The following CACNB2 variants were observed in gnomAD, a reference collection of about 807,000 sequenced individuals.
CACNB2 encodes calcium voltage-gated channel auxiliary subunit beta 2.
CACNB2 carries 42 observed loss-of-function variants against 73.3 expected under a neutral mutation model. That is an observed-to-expected ratio of 0.57 (90% confidence interval 0.45 to 0.74). The LOEUF (loss-of-function observed/expected upper bound fraction) is 0.74. Ranked by LOEUF, CACNB2 falls within the 30% of genes least tolerant of loss-of-function variation. The pLI is 0.00. For synonymous variants in CACNB2, 348 were observed against 310.3 expected, an observed-to-expected ratio of 1.12 and a Z score of -1.28; for missense variants, 940 against 853.0, an observed-to-expected ratio of 1.10 and a Z score of -1.27.
intron 2 of CACNB2, among the ~76,000 whole-genome samples, chr10:18,398,591 C>A (rs576400001): frequency 6.6e-6 from 1 of 151,996 alleles, no homozygotes; most frequent in South Asian, 2.1e-4. Context: ...GGATCACTTT[C>A]GCCCAGGAGG....
intron 2 of CACNB2, among the ~76,000 whole-genome samples, chr10:18,391,985 A>T (rs1334042228): frequency 6.6e-6 from 1 of 151,812 alleles, no homozygotes; most frequent in Non-Finnish European, 1.5e-5. Flanking sequence ...AGAACAGGGT[A>T]AGTGAGATTG....
chr10:18,411,715 C>G (rs1393340039), intron 3 of CACNB2, among the ~76,000 whole-genome samples: 1 of 152,070 alleles, frequency 6.6e-6, no homozygotes, highest in East Asian at 1.9e-4. Flanking sequence ...ACCATGTTGG[C>G]CAGGCTGTTC....
At chr10:18,466,422 G>A (rs1341272384) in intron 3 of CACNB2, among the ~76,000 whole-genome samples, 1 of 151,576 alleles carries the variant, frequency 6.6e-6, no homozygotes, top group Non-Finnish European at 1.5e-5. Context: ...TTACAGAGAC[G>A]AGGTCTCACT....
intron 2 of CACNB2, among the ~76,000 whole-genome samples, chr10:18,223,789 C>T (rs1174296481): frequency 3.9e-5 from 6 of 152,048 alleles, no homozygotes; most frequent in Admixed American, 3.9e-4. Context: ...TTTTTGTCTT[C>T]AATTTCAGAG....
chr10:18,209,735 T>G (rs1364883977), intron 2 of CACNB2, among the ~76,000 whole-genome samples: 1 of 152,174 alleles, frequency 6.6e-6, no homozygotes, highest in Admixed American at 6.5e-5. Context: ...TAATATGGTC[T>G]TTTTTGACTT....
chr10:18,389,227 C>T (rs1003515552), intron 2 of CACNB2, among the ~76,000 whole-genome samples: 2 of 152,154 alleles, frequency 1.3e-5, no homozygotes, highest in African/African-American at 4.8e-5. Flanking sequence ...GCCTTGAACT[C>T]CTGAGCTCAG....
chr10:18,146,159 C>T (rs2030950282), intron 1 of CACNB2, among the ~76,000 whole-genome samples: 2 of 152,116 alleles, frequency 1.3e-5, no homozygotes, highest in Admixed American at 1.3e-4. Context: ...CTTATTCACA[C>T]TAAGCTATTG....
chr10:18,144,371 T>C (rs143115704), intron 1 of CACNB2, among the ~76,000 whole-genome samples: 5,379 of 152,314 alleles, frequency 0.035, 109 homozygotes, highest in Non-Finnish European at 0.039. Flanking sequence ...TGCGCCACCA[T>C]GCCCAGCCCA....
intron 2 of CACNB2, among the ~76,000 whole-genome samples, chr10:18,364,121 T>C (rs1004995945): frequency 2.6e-5 from 4 of 151,572 alleles, no homozygotes; most frequent in African/African-American, 9.7e-5. Context: ...TGATTTTGTA[T>C]TTTCAGTGGA....
chr10:18,442,942 GTGTA>G (rs1330400045), intron 3 of CACNB2, among the ~76,000 whole-genome samples: 615 of 33,894 alleles, frequency 0.018, 97 homozygotes, highest in African/African-American at 0.09. Context: ...ATATATATAT[GTGTA>G]TATATATATA....
intron 9 of CACNB2, among the ~76,000 whole-genome samples, chr10:18,523,959 A>G (rs1355334308): frequency 6.6e-6 from 1 of 152,236 alleles, no homozygotes; most frequent in African/African-American, 2.4e-5. Context: ...CATTTGCAGC[A>G]GCCCTAGGGG....
intron 2 of CACNB2, among the ~76,000 whole-genome samples, chr10:18,186,943 A>C (rs1251003079): frequency 6.6e-6 from 1 of 152,212 alleles, no homozygotes; most frequent in African/African-American, 2.4e-5. Context: ...TAAGATACAC[A>C]TTATCTGCTT....
intron 11 of CACNB2, among the ~76,000 whole-genome samples, chr10:18,534,881 G>A (rs1052601802): frequency 2.6e-5 from 4 of 152,116 alleles, no homozygotes; most frequent in Admixed American, 1.3e-4. Context: ...TGCTTATTCC[G>A]ACTTGGTGTA....
chr10:18,388,279 G>A (rs553365514), intron 2 of CACNB2, among the ~76,000 whole-genome samples: 24 of 152,108 alleles, frequency 1.6e-4, no homozygotes, highest in Admixed American at 6.6e-4. Flanking sequence ...TTTATTAAAC[G>A]TTCTGAATAT....
At chr10:18,202,402 A>G (rs2034919741) in intron 2 of CACNB2, among the ~76,000 whole-genome samples, 1 of 152,138 alleles carries the variant, frequency 6.6e-6, no homozygotes, top group African/African-American at 2.4e-5. Context: ...TGGTTTCTCT[A>G]ACTCTCAAAT....
intron 2 of CACNB2, among the ~76,000 whole-genome samples, chr10:18,271,925 T>A (rs1165999456): frequency 6.6e-6 from 1 of 152,228 alleles, no homozygotes; most frequent in East Asian, 1.9e-4. Context: ...AAATAATTTA[T>A]GTAACCTACC....
chr10:18,145,142 G>C (rs975064361), intron 1 of CACNB2, among the ~76,000 whole-genome samples: 4 of 152,204 alleles, frequency 2.6e-5, no homozygotes, highest in Non-Finnish European at 5.9e-5. Context: ...GCCCAGCCGA[G>C]TCTGCCAGAT....
At chr10:18,174,403 T>G (rs2033456385) in intron 2 of CACNB2, among the ~76,000 whole-genome samples, 1 of 149,972 alleles carries the variant, frequency 6.7e-6, no homozygotes, top group Middle Eastern at 3.4e-3. Context: ...TTTCTCTCTT[T>G]CTTTCCTTCT....
intron 3 of CACNB2, among the ~76,000 whole-genome samples, chr10:18,426,414 T>C (rs1226794393): frequency 2.6e-5 from 4 of 152,244 alleles, no homozygotes; most frequent in Non-Finnish European, 5.9e-5. Context: ...ATGGAGAAAT[T>C]CAGTTGATTT....
Sources: allele counts gnomAD v4.1 joint callset (sites outside exome capture counted in the v4.1 genomes callset), GRCh38; gene constraint gnomAD v4.1.1; transcripts MANE v1.5; gene names NCBI Gene and HGNC (gene_info 2026-07-23, HGNC 2026-07-21).